ARHGAP42: variants seen among roughly 807,000 people sequenced by gnomAD.
ARHGAP42 encodes Rho GTPase activating protein 42, also known as rho GTPase-activating protein 42.
A neutral mutation model predicts 125.0 loss-of-function variants in ARHGAP42; 63 were observed. That is an observed-to-expected ratio of 0.50 (90% CI 0.41 to 0.62). The LOEUF is 0.62. ARHGAP42 is among the 20% of genes least tolerant of loss of function. ARHGAP42 has a pLI of 0.00. For synonymous variants in ARHGAP42, 339 were observed against 351.0 expected (o/e 0.97, Z 0.38); for missense variants, 766 against 1,024.2 (o/e 0.75, Z 3.44).
Position 100,859,536 on chromosome 11 carries a change from G to C in ARHGAP42, c.313-18G>C, listed in dbSNP as rs953347162. ...TGAAATTATGCAAGATTTAATATATGTGCATTTTTTATTTCAGATCCAAAA... is the reference window on the plus strand; with the variant it reads ...TGAAATTATGCAAGATTTAATATATCTGCATTTTTTATTTCAGATCCAAAA... On this transcript the variant is annotated intron_variant, in intron 3 of 23. Coordinates refer to ENST00000298815, the MANE Select transcript of ARHGAP42 (RefSeq NM_152432.4). 1.2e-4 allele frequency: 176 copies of C among 1,524,680 alleles called. No homozygotes were observed. Among genetic ancestry groups the C allele is most frequent in the Non-Finnish European group, 1.4e-4 (157 of 1,136,708 alleles). The allele number at this position is 1,524,680 out of a possible 1,614,324, so 94.4% of individuals were successfully genotyped here. A position where few individuals can be genotyped will look rare whatever the true frequency, so the allele number is the denominator to read the frequency against.
Position 100,961,787 on chromosome 11 carries a change from C to G in ARHGAP42, c.1385+19C>G, listed in dbSNP as rs1857963053. The G allele has an allele frequency of 2.6e-6, 4 of 1,539,854 alleles. No homozygotes were observed. Among genetic ancestry groups the G allele is most frequent in the Non-Finnish European group, 3.5e-6 (4 of 1,136,578 alleles). The stretch of plus-strand genomic sequence containing the variant: ...ACCTCAGGTGAGGAGGGTTTAACTC[C>G]TGGTACTCTGGATGTAATCTCTGAC... On this transcript the variant is annotated intron_variant, in intron 15 of 23. Transcript: ENST00000298815.
intron 6 of ARHGAP42, among the ~76,000 whole-genome samples, chr11:100,928,115 T>C (rs904016617): frequency 7.9e-5 from 12 of 152,178 alleles, no homozygotes; most frequent in Admixed American, 3.9e-4. Flanking sequence ...TTGCAAAGAC[T>C]ACAGATTTAA....
intron 4 of ARHGAP42, among the ~76,000 whole-genome samples, chr11:100,903,709 A>AAAAAAAATATATATAT (rs1332890022): frequency 1.6e-4 from 10 of 63,508 alleles, no homozygotes; most frequent in African/African-American, 5.5e-4. Flanking sequence ...TGTCCCTCAA[A>AAAAAAAATATATATAT]ATATATATAT....
Position 100,705,017 on chromosome 11 carries a change from A to C in ARHGAP42, c.154+17185A>C, listed in dbSNP as rs1320298909. On this transcript the variant is annotated intron_variant, in intron 1 of 23. Coordinates refer to ENST00000298815, the MANE Select transcript of ARHGAP42 (RefSeq NM_152432.4). ...AAACCCCAACAACAACAACAACAAA[A>C]AAAAAAAAAAAAAAAAGAGAGAAGA... Among the ~76,000 whole-genome samples the C allele has an allele frequency of 2.9e-3, 374 of 127,418 alleles. 1 individual carries two copies. The highest frequency in any genetic ancestry group is 0.011 in the African/African-American group (360 of 32,318). The allele number at this position is 127,418 out of a possible 152,430, so 83.6% of individuals were successfully genotyped here.
chr11:100,719,465 C>T (rs1455737170), intron 1 of ARHGAP42, among the ~76,000 whole-genome samples: 1 of 152,160 alleles, frequency 6.6e-6, no homozygotes, highest in Admixed American at 6.5e-5. Flanking sequence ...GTGATCAAGT[C>T]CGGTAGGAGC....
chr11:100,742,928 T>C (rs1354721739), intron 1 of ARHGAP42, among the ~76,000 whole-genome samples: 1 of 152,220 alleles, frequency 6.6e-6, no homozygotes, highest in Non-Finnish European at 1.5e-5. Flanking sequence ...AATGTCTTTT[T>C]CCATCCCTTT....
chr11:100,783,495 G>C (rs966145139), intron 2 of ARHGAP42, among the ~76,000 whole-genome samples: 1 of 152,184 alleles, frequency 6.6e-6, no homozygotes, highest in African/African-American at 2.4e-5. Flanking sequence ...AGAAGGCACA[G>C]TGGGAGGGTG....
chr11:100,723,393 A>G (rs1861799723), intron 1 of ARHGAP42, among the ~76,000 whole-genome samples: 1 of 152,212 alleles, frequency 6.6e-6, no homozygotes, highest in Non-Finnish European at 1.5e-5. Flanking sequence ...GACAACATTA[A>G]GTCTTCCTAT....
chr11:100,799,908 T>C (rs1295997001), intron 3 of ARHGAP42, among the ~76,000 whole-genome samples: 2 of 152,120 alleles, frequency 1.3e-5, no homozygotes, highest in Non-Finnish European at 2.9e-5. Flanking sequence ...AAATGGTTGA[T>C]TGGACAAGTG....
chr11:100,900,188 A>G (rs889715939), intron 4 of ARHGAP42, among the ~76,000 whole-genome samples: 1 of 152,124 alleles, frequency 6.6e-6, no homozygotes, highest in African/African-American at 2.4e-5. Context: ...CTGGATATGA[A>G]ATTCTGGGTT....
At chr11:100,868,383 G>T (rs531307299) in intron 4 of ARHGAP42, among the ~76,000 whole-genome samples, 17 of 152,110 alleles carry the variant, frequency 1.1e-4, no homozygotes, top group Non-Finnish European at 2.2e-4. Context: ...AATAGTACTT[G>T]ATCCTTTATT....
chr11:100,974,439 T>C lies in ARHGAP42; in HGVS notation c.1711-20T>C. ...AATATCACCCTTTTATTGACCTTGG[T>C]CCATTTTTCTTATACGTAGATTTTT... On this transcript the variant is annotated intron_variant, in intron 18 of 23. Coordinates refer to ENST00000298815, the MANE Select transcript of ARHGAP42 (RefSeq NM_152432.4). The C allele has an allele frequency of 6.5e-7, 1 of 1,547,042 alleles. No homozygotes were observed. Among genetic ancestry groups the C allele is most frequent in the South Asian group, 1.2e-5 (1 of 83,802 alleles).
intron 3 of ARHGAP42, among the ~76,000 whole-genome samples, chr11:100,797,542 C>T (rs1288581331): frequency 6.6e-6 from 1 of 151,140 alleles, no homozygotes; most frequent in East Asian, 1.9e-4. Flanking sequence ...GATGAGAGCA[C>T]ATCAGTTTAC....
chr11:100,935,330 A>C (rs915022817), intron 7 of ARHGAP42, among the ~76,000 whole-genome samples: 1 of 152,250 alleles, frequency 6.6e-6, no homozygotes, highest in East Asian at 1.9e-4. Flanking sequence ...GAACTTGGAA[A>C]CCTATTGATT....
Position 100,927,935 on chromosome 11 carries a change from C to T in ARHGAP42, c.598-5221C>T, listed in dbSNP as rs976719292. 1.9e-4 allele frequency among the ~76,000 whole-genome samples: 29 copies of T among 152,188 alleles called. 1 individual carries two copies. Among genetic ancestry groups the T allele is most frequent in the Admixed American group, 1.4e-3 (21 of 15,278 alleles). ...GACTGGCCACTTTCCATTCTTGGCT[C>T]TCTTTTTATCTTCAAGTTTCTCATT... On this transcript the variant is annotated intron_variant, in intron 6 of 23. Transcript: ENST00000298815.
chr11:100,948,451 A>G lies in ARHGAP42; in HGVS notation c.1044-6A>G, dbSNP rs1198280176. On this transcript the variant is annotated splice_polypyrimidine_tract_variant and splice_region_variant and intron_variant, in intron 10 of 23. Coordinates refer to ENST00000298815, the MANE Select transcript of ARHGAP42 (RefSeq NM_152432.4). ...GTAAATATAGAAAATATTTGTTTTTAAATAGGCATGGGATCATCACGTTAC... is the reference window on the plus strand; with the variant it reads ...GTAAATATAGAAAATATTTGTTTTTGAATAGGCATGGGATCATCACGTTAC... The G allele has an allele frequency of 6.6e-7, 1 of 1,523,278 alleles. No homozygotes were observed. The allele number at this position is 1,523,278 out of a possible 1,614,324, so 94.4% of individuals were successfully genotyped here.
intron 6 of ARHGAP42, among the ~76,000 whole-genome samples, chr11:100,928,699 C>A (rs1308031815): frequency 6.6e-6 from 1 of 152,080 alleles, no homozygotes; most frequent in Non-Finnish European, 1.5e-5. Context: ...GCAACGATCA[C>A]CACAAAAAAA....
chr11:100,845,997 T>A (rs1865057830), intron 3 of ARHGAP42, among the ~76,000 whole-genome samples: 1 of 152,192 alleles, frequency 6.6e-6, no homozygotes, highest in South Asian at 2.1e-4. Context: ...CCAAATAGCA[T>A]TTAGCATGCC....
chr11:100,976,438 G>A lies in ARHGAP42; in HGVS notation c.2236+1G>A. On this transcript the variant is annotated splice_donor_variant, in intron 20 of 23. Transcript: ENST00000298815. LOFTEE classifies it high-confidence loss of function. ...CTCAGATCCATCTCTGCAGCTGAAG[G>A]TAAGGCAGAGTGGAACTTGTGCAAG... is the stretch of plus-strand genomic sequence containing the variant. 6.6e-7 allele frequency: 1 copy of A among 1,514,578 alleles called. No individual in the cohort carries two copies. The highest frequency in any genetic ancestry group is 2.5e-5 in the East Asian group (1 of 40,614). The allele number at this position is 1,514,578 out of a possible 1,614,324, so 93.8% of individuals were successfully genotyped here. A position where few individuals can be genotyped will look rare whatever the true frequency, so the allele number is the denominator to read the frequency against.
Sources: gnomAD v4.1 joint callset for allele counts (sites outside exome capture counted in the v4.1 genomes callset) on GRCh38, gnomAD v4.1.1 for gene constraint, MANE v1.5 for transcripts, NCBI Gene and HGNC (gene_info 2026-07-23, HGNC 2026-07-21) for gene names.